NR3C1: variants seen among roughly 807,000 people sequenced by gnomAD.
NR3C1 encodes glucocorticoid receptor.
In NR3C1, 14 loss-of-function variants were observed where a neutral mutation model predicts 74.0. The observed-to-expected ratio is 0.19, with a 90% CI of 0.12 to 0.30. The LOEUF (loss-of-function observed/expected upper bound fraction) is 0.30, where lower values mean the gene tolerates loss of function less well. Ranked by LOEUF, NR3C1 falls within the 10% of genes least tolerant of loss-of-function variation. The probability of loss-of-function intolerance (pLI) is 1.00; values close to 1 mark genes in which losing one functional copy is unlikely to be tolerated. For missense variants in NR3C1, 695 were observed against 909.8 expected, an observed-to-expected ratio of 0.76 and a Z score of 3.04; for synonymous variants, 308 against 332.5, an observed-to-expected ratio of 0.93 and a Z score of 0.80.
intron 7 of NR3C1, among the ~76,000 whole-genome samples, chr5:143,283,189 A>ACTT (rs1454241794): frequency 1.3e-5 from 2 of 152,206 alleles, no homozygotes; most frequent in African/African-American, 4.8e-5. Flanking sequence ...TCTTGCTATA[A>ACTT]CTTTTTATAC....
chr5:143,300,708 T>G lies in NR3C1; in HGVS notation c.1524A>C (p.Ser508=). 1 of 1,614,178 alleles carries G rather than the reference T, an allele frequency of 6.2e-7. No homozygotes were observed. Among genetic ancestry groups the G allele is most frequent in the Non-Finnish European group, 8.5e-7 (1 of 1,179,994 alleles). ...TACCAGGATTTTCAGAGGTTTCTTGTGAGACTCCTGTAGTGGCCTGCTGAA... is the reference window on the plus strand; with the variant it reads ...TACCAGGATTTTCAGAGGTTTCTTGGGAGACTCCTGTAGTGGCCTGCTGAA... ...KGIQQATTGV[S]QETSENPGNK... The change falls in exon 5 of 9, where the codon TCA becomes TCC. Residue 508 remains serine (S), a synonymous_variant. Coordinates refer to ENST00000394464, the MANE Select transcript of NR3C1 (RefSeq NM_000176.3). This position sits in a 1 kb window ranked among gnomAD's most constrained non-coding sequence, Gnocchi z 5.2.
chr5:143,284,627 T>A (rs998514936), intron 7 of NR3C1, among the ~76,000 whole-genome samples: 10 of 152,188 alleles, frequency 6.6e-5, no homozygotes, highest in Non-Finnish European at 1.3e-4. Context: ...TAAAAGAATT[T>A]CATCCATCTT....
At chr5:143,387,708 T>C (rs542934657) in intron 2 of NR3C1, among the ~76,000 whole-genome samples, 9 of 152,350 alleles carry the variant, frequency 5.9e-5, no homozygotes, top group Non-Finnish European at 1.2e-4. Flanking sequence ...GGTTGAACTC[T>C]CCTATAACTC....
intron 2 of NR3C1, among the ~76,000 whole-genome samples, chr5:143,368,739 T>C (rs993804004): frequency 2.6e-5 from 4 of 152,046 alleles, no homozygotes; most frequent in African/African-American, 9.7e-5. Flanking sequence ...CCATACCCAA[T>C]AGGATGGTGT....
chr5:143,332,499 G>A (rs852983), intron 2 of NR3C1: 297,581 of 578,430 alleles, frequency 0.51, 79,362 homozygotes, highest in East Asian at 0.78. Flanking sequence ...AACCACCATG[G>A]CCACATGTTT....
At chr5:143,391,798 A>G (rs1352459740) in intron 2 of NR3C1, among the ~76,000 whole-genome samples, 1 of 152,192 alleles carries the variant, frequency 6.6e-6, no homozygotes, top group Non-Finnish European at 1.5e-5. Flanking sequence ...GGGATTGCAC[A>G]TAGCAGACCC....
intron 2 of NR3C1, among the ~76,000 whole-genome samples, chr5:143,385,738 A>G (rs760415999): frequency 3.0e-4 from 45 of 152,196 alleles, no homozygotes; most frequent in Non-Finnish European, 4.0e-4. Flanking sequence ...TATTGTCCAT[A>G]TAACTATCAG....
chr5:143,379,803 G>A (rs544259285), intron 2 of NR3C1, among the ~76,000 whole-genome samples: 1 of 152,310 alleles, frequency 6.6e-6, no homozygotes, highest in South Asian at 2.1e-4. Context: ...CCAACTGACA[G>A]CAGATACGCT....
At chr5:143,391,055 C>CA (rs1197735229) in intron 2 of NR3C1, among the ~76,000 whole-genome samples, 54 of 152,196 alleles carry the variant, frequency 3.5e-4, no homozygotes, top group Admixed American at 3.2e-3. Flanking sequence ...AAAAAAAACT[C>CA]AATCTATTTT....
chr5:143,303,545 C>T (rs1033691845), intron 4 of NR3C1, among the ~76,000 whole-genome samples: 3 of 151,842 alleles, frequency 2.0e-5, no homozygotes, highest in African/African-American at 7.2e-5. Flanking sequence ...TCTAAAAAAG[C>T]AATCTAGAAA....
chr5:143,389,534 T>TG (rs1837871391), intron 2 of NR3C1, among the ~76,000 whole-genome samples: 1 of 152,252 alleles, frequency 6.6e-6, no homozygotes, highest in Non-Finnish European at 1.5e-5. Flanking sequence ...CTTTTCCTTC[T>TG]GGCTTCCTTA....
chr5:143,294,961 T>G (rs563952758), intron 7 of NR3C1: 1 of 985,434 alleles, frequency 1.0e-6, no homozygotes, highest in Admixed American at 6.1e-5. Context: ...GTTGCCATTT[T>G]CTAGATAATG....
intron 2 of NR3C1, among the ~76,000 whole-genome samples, chr5:143,351,676 A>T (rs895873811): frequency 6.6e-6 from 1 of 152,194 alleles, no homozygotes; most frequent in African/African-American, 2.4e-5. Context: ...TCTGTTACAG[A>T]AAACATTTCT....
intron 5 of NR3C1, among the ~76,000 whole-genome samples, chr5:143,299,755 TA>T (rs1818112458): frequency 6.6e-6 from 1 of 152,174 alleles, no homozygotes; most frequent in South Asian, 2.1e-4. Flanking sequence ...GTATTGATTT[TA>T]AAAAACAGAA....
In NR3C1 at chr5:143,377,631, A is replaced by C. The variant is rs1835440939; in HGVS notation, c.1184+22025T>G. On this transcript the variant is annotated intron_variant, in intron 2 of 8. Transcript: ENST00000394464. ...CTATGAGCACGCAGTGCAGCGCTGAAAAGGTACAAGGTCCTTAGTAAGACC... is the reference window on the plus strand; with the variant it reads ...CTATGAGCACGCAGTGCAGCGCTGACAAGGTACAAGGTCCTTAGTAAGACC... Among the ~76,000 whole-genome samples, 4 of 152,344 alleles carry C rather than the reference A, an allele frequency of 2.6e-5. No individual in the cohort carries two copies. The Middle Eastern group carries it at 0.01, about 389-fold the overall frequency.
chr5:143,418,845 C>G (rs180830556), intron 1 of NR3C1, among the ~76,000 whole-genome samples: 186 of 152,318 alleles, frequency 1.2e-3, no homozygotes, highest in Non-Finnish European at 2.1e-3. Context: ...GACTCTGACA[C>G]TCCAAGTTGT....
chr5:143,434,452 C>T (rs1752021097), intron 1 of NR3C1: 1 of 755,820 alleles, frequency 1.3e-6, no homozygotes, highest in African/African-American at 1.9e-5. Context: ...GATGCTCTGA[C>T]CTCTGAGTGA....
rs141125690 is a variant in NR3C1, at chr5:143,337,804, T to G, written c.1185-23636A>C. Among the ~76,000 whole-genome samples, 155 of 152,254 alleles carry G rather than the reference T, an allele frequency of 1.0e-3. 3 individuals carry two copies. The East Asian group carries it at 0.022, about 22-fold the overall frequency. Reference sequence around the variant, plus strand: ...AACATGGAATTCAAAATATACAAACTGAGTTATATTGTTTAAGGATGTTTA... The same window carrying G: ...AACATGGAATTCAAAATATACAAACGGAGTTATATTGTTTAAGGATGTTTA... On this transcript the variant is annotated intron_variant, in intron 2 of 8. Transcript: ENST00000394464.
intron 2 of NR3C1, among the ~76,000 whole-genome samples, chr5:143,382,406 T>C (rs894794498): frequency 4.6e-5 from 7 of 152,240 alleles, no homozygotes; most frequent in African/African-American, 1.7e-4. Flanking sequence ...GCTTATCTTA[T>C]GAACAGCGTG....
Sources: allele counts gnomAD v4.1 joint callset (sites outside exome capture counted in the v4.1 genomes callset), GRCh38; gene constraint gnomAD v4.1.1; non-coding constraint Gnocchi (gnomAD v3.1); transcripts MANE v1.5; gene names NCBI Gene and HGNC (gene_info 2026-07-23, HGNC 2026-07-21).